DACH1: variants seen among roughly 807,000 people sequenced by gnomAD.
DACH1 encodes dachshund family transcription factor 1.
A neutral mutation model predicts 54.2 loss-of-function variants in DACH1; 12 were observed. That is an observed-to-expected ratio of 0.22 (90% CI 0.14 to 0.36). The LOEUF is 0.36. Among genes scored for constraint, DACH1 ranks in the 10% least tolerant of loss-of-function variants. DACH1 has a pLI of 1.00. For synonymous variants in DACH1, 386 were observed against 366.2 expected, an observed-to-expected ratio of 1.05 and a Z score of -0.62; for missense variants, 805 against 929.8, an observed-to-expected ratio of 0.87 and a Z score of 1.75.
rs1873916053 is a variant in DACH1 at position 71,440,495 on chromosome 13, T to A, written c.*160A>T. On this transcript the variant is annotated 3_prime_UTR_variant, in exon 11 of 11. Transcript: ENST00000613252. ...CAGGTGAAAATCAATGGAGAAAACT[T>A]TTTTTTTTTTTGTAGAATACTTAAA... 1.3e-5 allele frequency: 7 copies of A among 551,448 alleles called. No individual in the cohort carries two copies. The highest frequency in any genetic ancestry group is 2.2e-5 in the Non-Finnish European group (7 of 319,726). 34.2% of individuals were successfully genotyped at this position (551,448 alleles called of 1,614,324 possible). A position where few individuals can be genotyped will look rare whatever the true frequency, so the allele number is the denominator to read the frequency against.
intron 6 of DACH1, among the ~76,000 whole-genome samples, chr13:71,514,064 T>A (rs1880980874): frequency 6.6e-6 from 1 of 152,034 alleles, no homozygotes; most frequent in Non-Finnish European, 1.5e-5. Context: ...GAGATATGAG[T>A]TCTGTTATCT....
intron 4 of DACH1, among the ~76,000 whole-genome samples, chr13:71,570,038 T>C (rs1035597548): frequency 1.3e-5 from 2 of 152,188 alleles, no homozygotes; most frequent in Admixed American, 6.6e-5. Context: ...CTGTTTTCTT[T>C]GAGGAAAATA....
intron 3 of DACH1, among the ~76,000 whole-genome samples, chr13:71,618,149 C>T (rs949547385): frequency 6.6e-6 from 1 of 151,912 alleles, no homozygotes; most frequent in Non-Finnish European, 1.5e-5. Flanking sequence ...AAAGATATAC[C>T]CCTTGCTCAT....
intron 10 of DACH1, among the ~76,000 whole-genome samples, chr13:71,460,651 C>T (rs945342355): frequency 3.3e-5 from 5 of 151,836 alleles, no homozygotes; most frequent in Non-Finnish European, 7.4e-5. Flanking sequence ...GGGCTACTTG[C>T]CTTCATTTGT....
At chr13:71,732,207 C>A (rs2137914602) in intron 1 of DACH1, among the ~76,000 whole-genome samples, 1 of 152,202 alleles carries the variant, frequency 6.6e-6, no homozygotes, top group African/African-American at 2.4e-5. Flanking sequence ...TTCAAAAGCT[C>A]TGTCCAATCT....
chr13:71,485,809 T>G (rs1279969942), intron 7 of DACH1, among the ~76,000 whole-genome samples: 1 of 151,502 alleles, frequency 6.6e-6, no homozygotes, highest in South Asian at 2.1e-4. Context: ...TCTCAATCTC[T>G]GGACCTTGAG....
intron 10 of DACH1, among the ~76,000 whole-genome samples, chr13:71,451,482 A>G (rs1875053135): frequency 6.6e-6 from 1 of 152,216 alleles, no homozygotes; most frequent in African/African-American, 2.4e-5. Flanking sequence ...AATGAGGAGA[A>G]GATGGATGTT....
At chr13:71,704,594 T>G in intron 1 of DACH1, 1 of 464,648 alleles carries the variant, frequency 2.2e-6, no homozygotes, top group Non-Finnish European at 4.3e-6. Context: ...GCACACTTTA[T>G]GAGAACCCAT....
At chr13:71,579,991 A>C (rs548761556) in intron 3 of DACH1, among the ~76,000 whole-genome samples, 2 of 152,188 alleles carry the variant, frequency 1.3e-5, no homozygotes, top group South Asian at 4.1e-4. Flanking sequence ...ATTTGTATTG[A>C]CTACATATTT....
chr13:71,835,216 C>G (rs1349976219), intron 1 of DACH1, among the ~76,000 whole-genome samples: 1 of 151,978 alleles, frequency 6.6e-6, no homozygotes, highest in Non-Finnish European at 1.5e-5. Context: ...CCGGCCTGTT[C>G]ACTTAATGAA....
chr13:71,664,368 T>C (rs777069395), intron 2 of DACH1, among the ~76,000 whole-genome samples: 1 of 152,060 alleles, frequency 6.6e-6, no homozygotes, highest in African/African-American at 2.4e-5. Flanking sequence ...AACAACCTGT[T>C]CTTTTGGAAA....
intron 6 of DACH1, among the ~76,000 whole-genome samples, chr13:71,506,778 T>C (rs1422692887): frequency 2.0e-5 from 3 of 151,908 alleles, no homozygotes; most frequent in Non-Finnish European, 4.4e-5. Context: ...TGATCTTTGA[T>C]AAACCTGAGA....
chr13:71,866,872 G>T lies in DACH1; in HGVS notation c.-103C>A. 1.3e-6 allele frequency: 1 copy of T among 755,538 alleles called. No homozygotes were observed. Among genetic ancestry groups the T allele is most frequent in the South Asian group, 6.4e-5 (1 of 15,684 alleles). The allele number at this position is 755,538 out of a possible 1,614,324, so 46.8% of individuals were successfully genotyped here. ...AAAAGGGGGGAGAAGGAGCGAGGGGGGCAACAACAACTCCGGGAGAGAACG... is the reference window on the plus strand; with the variant it reads ...AAAAGGGGGGAGAAGGAGCGAGGGGTGCAACAACAACTCCGGGAGAGAACG... On this transcript the variant is annotated 5_prime_UTR_variant, in exon 1 of 11. Transcript: ENST00000613252.
intron 10 of DACH1, among the ~76,000 whole-genome samples, chr13:71,463,118 C>T (rs748977322): frequency 6.6e-6 from 1 of 151,964 alleles, no homozygotes; most frequent in Non-Finnish European, 1.5e-5. Context: ...CAGCACTACT[C>T]TCTTAGCACT....
chr13:71,848,548 G>GA (rs1566541184), intron 1 of DACH1, among the ~76,000 whole-genome samples: 2 of 146,258 alleles, frequency 1.4e-5, no homozygotes, highest in Non-Finnish European at 1.5e-5. Context: ...AACTTTTTCA[G>GA]TTTTTTTTTT....
chr13:71,471,211 A>T (rs1373604752), intron 10 of DACH1, among the ~76,000 whole-genome samples: 1 of 151,452 alleles, frequency 6.6e-6, no homozygotes, highest in Non-Finnish European at 1.5e-5. Flanking sequence ...GAGGGAGGGA[A>T]ATGTCACGCT....
chr13:71,554,321 A>C (rs1426788135), intron 6 of DACH1, among the ~76,000 whole-genome samples: 1 of 152,112 alleles, frequency 6.6e-6, no homozygotes, highest in Non-Finnish European at 1.5e-5. Flanking sequence ...TTACATATAC[A>C]CATTTGAAAT....
At chr13:71,738,876 T>C (rs1884261585) in intron 1 of DACH1, among the ~76,000 whole-genome samples, 1 of 151,052 alleles carries the variant, frequency 6.6e-6, no homozygotes, top group Non-Finnish European at 1.5e-5. Context: ...ATTGAGAAAG[T>C]TAATAAATTT....
chr13:71,494,762 A>G (rs1879266879), intron 6 of DACH1, among the ~76,000 whole-genome samples: 2 of 152,070 alleles, frequency 1.3e-5, no homozygotes, highest in African/African-American at 4.8e-5. Flanking sequence ...ATAACAACAT[A>G]CAGTCAATTA....
Sources: gnomAD v4.1 joint callset for allele counts (sites outside exome capture counted in the v4.1 genomes callset) on GRCh38, gnomAD v4.1.1 for gene constraint, MANE v1.5 for transcripts, NCBI Gene and HGNC (gene_info 2026-07-23, HGNC 2026-07-21) for gene names.